Variants in PPFIA3 observed in about 807,000 individuals in gnomAD.
The protein encoded by PPFIA3 is PPFI scaffold protein A3.
PPFIA3 carries 26 observed loss-of-function variants against 145.8 expected under a neutral mutation model. The observed-to-expected ratio is 0.18, with a 90% confidence interval of 0.13 to 0.25. The LOEUF is 0.25. Among genes scored for constraint, PPFIA3 ranks in the 10% least tolerant of loss-of-function variants. The probability of loss-of-function intolerance (pLI) is 1.00; values close to 1 mark genes in which losing one functional copy is unlikely to be tolerated. For missense variants in PPFIA3, 1,008 were observed against 1,587.8 expected, an observed-to-expected ratio of 0.63 and a Z score of 6.21; for synonymous variants, 645 against 661.4, an observed-to-expected ratio of 0.98 and a Z score of 0.38.
In PPFIA3 at chr19:49,128,134, G is replaced by A; in HGVS notation, c.240+21G>A. ...CCCAGGTCTGGGCGGGACAGGGGCG[G>A]GGCATGAGGGGGCGGGGCCTCGGGG... On this transcript the variant is annotated intron_variant, in intron 2 of 29. Transcript: ENST00000334186. The surrounding 1 kb of genome is among the most constrained non-coding windows in gnomAD (Gnocchi z 4.1). 6.7e-7 allele frequency: 1 copy of A among 1,493,914 alleles called. No individual in the cohort carries two copies. The highest frequency in any genetic ancestry group is 8.9e-7 in the Non-Finnish European group (1 of 1,125,312). 92.5% of individuals were successfully genotyped at this position (1,493,914 alleles called of 1,614,324 possible).
At chr19:49,144,875 T>C (rs2041263025) in intron 21 of PPFIA3, among the ~76,000 whole-genome samples, 1 of 152,132 alleles carries the variant, frequency 6.6e-6, no homozygotes, top group Non-Finnish European at 1.5e-5. Flanking sequence ...ACCACATCCT[T>C]TATCACACCT....
Position 49,128,493 on chromosome 19 carries a change from T to C in PPFIA3, c.342+25T>C, listed in dbSNP as rs1456818642. The C allele has an allele frequency of 2.3e-6, 3 of 1,282,590 alleles. No individual in the cohort carries two copies. The highest frequency in any genetic ancestry group is 3.7e-5 in the African/African-American group (2 of 54,752). 79.5% of individuals were successfully genotyped at this position (1,282,590 alleles called of 1,614,324 possible). ...GGTGAGGGGTGTTGAGGGCGGGGCC[T>C]AAGTGGGGGCGGGGCCTCGTGGTGT... On this transcript the variant is annotated intron_variant, in intron 3 of 29. Coordinates refer to ENST00000334186, the MANE Select transcript of PPFIA3 (RefSeq NM_003660.4). The surrounding 1 kb of genome is among the most constrained non-coding windows in gnomAD (Gnocchi z 4.1).
In PPFIA3 at chr19:49,135,771, G is replaced by A; in HGVS notation, c.1521-8G>A. On this transcript the variant is annotated splice_polypyrimidine_tract_variant and splice_region_variant and intron_variant, in intron 13 of 29. Coordinates refer to ENST00000334186, the MANE Select transcript of PPFIA3 (RefSeq NM_003660.4). ...CTTGGTCTCTGACTGCTTTCCTCAT[G>A]CCCACAGGTCTCTCCCTGGCAGTGC... 6.2e-7 allele frequency: 1 copy of A among 1,602,958 alleles called. No individual in the cohort carries two copies. Among genetic ancestry groups the A allele is most frequent in the Admixed American group, 1.7e-5 (1 of 58,538 alleles).
At chr19:49,146,645 G>A (rs2041284426) in intron 23 of PPFIA3, among the ~76,000 whole-genome samples, 1 of 152,158 alleles carries the variant, frequency 6.6e-6, no homozygotes, top group South Asian at 2.1e-4. Context: ...AGAAACAAGA[G>A]GCGGCCGGGC....
intron 1 of PPFIA3, among the ~76,000 whole-genome samples, chr19:49,124,759 T>C (rs191311333): frequency 1.1e-3 from 165 of 152,168 alleles, no homozygotes; most frequent in Middle Eastern, 3.4e-3. Flanking sequence ...TCAGAGTGGG[T>C]TGCTGGTTTT....
chr19:49,127,036 A>G (rs2041006837), intron 1 of PPFIA3, among the ~76,000 whole-genome samples: 1 of 134,516 alleles, frequency 7.4e-6, no homozygotes, highest in South Asian at 2.4e-4. Flanking sequence ...TGGGATGCTG[A>G]GGCAGGAGGA....
chr19:49,136,000 G>A, intron 14 of PPFIA3, 77 bp downstream of exon 14: 1 of 1,399,338 alleles, frequency 7.1e-7, no homozygotes, highest in Non-Finnish European at 9.3e-7. Context: ...AAATCTGTGG[G>A]GCTCCGGGAG....
chr19:49,146,096 G>C (rs1277702328), intron 22 of PPFIA3, 70 bp from the exon 23 acceptor site: 17 of 1,608,664 alleles, frequency 1.1e-5, no homozygotes, highest in Admixed American at 1.7e-5. Context: ...CCCTAAGTCC[G>C]CTCCTTGCGT....
chr19:49,133,936 A>G lies in PPFIA3; in HGVS notation c.1245+57A>G. On this transcript the variant is annotated intron_variant, in intron 10 of 29. Coordinates refer to ENST00000334186, the MANE Select transcript of PPFIA3 (RefSeq NM_003660.4). The surrounding 1 kb of genome is among the most constrained non-coding windows in gnomAD (Gnocchi z 7.2). The stretch of plus-strand genomic sequence containing the variant: ...GGCTTCGAGGCTGGGGCGGAGCTTA[A>G]TAAGGAGGCTGGGCTGGGCCCGGGG... 1.2e-6 allele frequency: 2 copies of G among 1,609,372 alleles called. No individual in the cohort carries two copies. The highest frequency in any genetic ancestry group is 2.2e-5 in the South Asian group (2 of 90,770).
chr19:49,143,155 A>C, intron 21 of PPFIA3, 151 bp downstream of exon 21: 3 of 894,930 alleles, frequency 3.4e-6, no homozygotes, highest in Non-Finnish European at 5.1e-6. Flanking sequence ...TCCACTCCTA[A>C]CTTGGCCTGT....
chr19:49,145,721 A>G (rs1178086626), intron 21 of PPFIA3: 2 of 579,590 alleles, frequency 3.5e-6, no homozygotes, highest in African/African-American at 3.7e-5. Flanking sequence ...AATGCATGGC[A>G]GGGTCCCAAT....
chr19:49,126,462 C>T (rs1216826642), intron 1 of PPFIA3, among the ~76,000 whole-genome samples: 2 of 151,538 alleles, frequency 1.3e-5, no homozygotes, highest in Non-Finnish European at 2.9e-5. Flanking sequence ...TGTTGCACAG[C>T]CTGGTCTTGA....
chr19:49,126,416 T>C (rs750723898), intron 1 of PPFIA3, among the ~76,000 whole-genome samples: 1 of 151,274 alleles, frequency 6.6e-6, no homozygotes, highest in African/African-American at 2.4e-5. Flanking sequence ...GCCCGGCTAA[T>C]TTTTTTTGTA....
chr19:49,138,291 G>A lies in PPFIA3; in HGVS notation c.1940G>A (p.Gly647Asp). ...RVSSSGLDSLGRYRSSCSLPP... is the reference protein window; with the variant it reads ...RVSSSGLDSLDRYRSSCSLPP... The stretch of plus-strand genomic sequence containing the variant: ...TCCAGCTCTGGCTTGGACTCGTTGG[G>A]CCGCTACCGCAGCAGCTGCTCCCTG... The change falls in exon 16 of 30, where the codon GGC becomes GAC. Residue 647 changes from glycine to aspartate, a missense_variant. By Grantham distance (94) the Gly-to-Asp change is moderately conservative (BLOSUM62 -1). Coordinates refer to ENST00000334186, the MANE Select transcript of PPFIA3 (RefSeq NM_003660.4). 1 of 1,613,396 alleles carries A rather than the reference G, an allele frequency of 6.2e-7. No homozygotes were observed. The highest frequency in any genetic ancestry group is 8.5e-7 in the Non-Finnish European group (1 of 1,179,744).
At chr19:49,132,882 G>A in intron 7 of PPFIA3, 119 bp from the exon 8 acceptor site, 2 of 1,336,994 alleles carry the variant, frequency 1.5e-6, no homozygotes, top group South Asian at 1.4e-5. Flanking sequence ...CTCTTAGCGG[G>A]TGTGACACCA....
chr19:49,139,843 C>T lies in PPFIA3; in HGVS notation c.2240+12C>T, dbSNP rs1423725010. 6 of 1,609,654 alleles carry T rather than the reference C, an allele frequency of 3.7e-6. No individual in the cohort carries two copies. The highest frequency in any genetic ancestry group is 5.1e-6 in the Non-Finnish European group (6 of 1,177,200). ...CCCCCACGGGGAAGGTCAGCAGGGA[C>T]AAGGGATAGGGACAGGGAGAAGCTG... is the stretch of plus-strand genomic sequence containing the variant. On this transcript the variant is annotated intron_variant, in intron 17 of 29. Coordinates refer to ENST00000334186, the MANE Select transcript of PPFIA3 (RefSeq NM_003660.4).
intron 25 of PPFIA3, 104 bp from the exon 26 acceptor site, chr19:49,148,889 T>A: frequency 6.4e-7 from 1 of 1,555,806 alleles, no homozygotes; most frequent in Non-Finnish European, 8.8e-7. Flanking sequence ...GGAGCCAGCG[T>A]GGGGGGCGTG....
In PPFIA3 at chr19:49,128,300, C is replaced by A; in HGVS notation, c.241-67C>A. ...AGGGCGGGACCTTCAAACTTCCAGT[C>A]CCAGTGAATGAAGGAGACAGGGAAA... On this transcript the variant is annotated intron_variant, in intron 2 of 29. Transcript: ENST00000334186. This position sits in a 1 kb window ranked among gnomAD's most constrained non-coding sequence, Gnocchi z 4.1. 2 of 1,571,852 alleles carry A rather than the reference C, an allele frequency of 1.3e-6. No homozygotes were observed. Among genetic ancestry groups the A allele is most frequent in the Non-Finnish European group, 1.8e-6 (2 of 1,142,660 alleles).
At position 49,135,466 on chromosome 19, in the gene PPFIA3, C is replaced by G. The variant is rs547154376; in HGVS notation, c.1521-313C>G. 6.6e-5 allele frequency among the ~76,000 whole-genome samples: 10 copies of G among 152,208 alleles called. No individual in the cohort carries two copies. In the South Asian group the frequency reaches 1.0e-3, roughly 16 times the overall value. Reference sequence around the variant, plus strand: ...CAGCTCACTGCAACCTCCGCCTCCCCGGTTCAAGTGATTCTCCTGCCTCAG... The same window carrying G: ...CAGCTCACTGCAACCTCCGCCTCCCGGGTTCAAGTGATTCTCCTGCCTCAG... On this transcript the variant is annotated intron_variant, in intron 13 of 29. Coordinates refer to ENST00000334186, the MANE Select transcript of PPFIA3 (RefSeq NM_003660.4).
Sources: allele counts gnomAD v4.1 joint callset (sites outside exome capture counted in the v4.1 genomes callset), GRCh38; gene constraint gnomAD v4.1.1; non-coding constraint Gnocchi (gnomAD v3.1); transcripts MANE v1.5; gene names NCBI Gene and HGNC (gene_info 2026-07-23, HGNC 2026-07-21).